The following CHODL variants were observed in gnomAD, a reference collection of about 807,000 sequenced individuals.
The protein encoded by CHODL is transmembrane protein MT75.
A neutral mutation model predicts 34.5 loss-of-function variants in CHODL; 29 were observed. The observed-to-expected ratio is 0.84, with a 90% CI of 0.63 to 1.15. CHODL has a LOEUF of 1.15. Among genes scored for constraint, CHODL ranks in the 50% most tolerant of loss-of-function variants. The pLI is 0.00. For synonymous variants in CHODL, 125 were observed against 116.1 expected (o/e 1.08, Z -0.49); for missense variants, 332 against 332.5 (o/e 1.00, Z 0.01).
chr21:18,070,026 C>CCCTTCCCTTCCCTTCCCT, intron 2 of CHODL, among the ~76,000 whole-genome samples: 1 of 13,550 alleles, frequency 7.4e-5, no homozygotes, highest in African/African-American at 1.6e-4. Flanking sequence ...TCCCTTCCCT[C>CCCTTCCCTTCCCTTCCCT]CCCCCCCCCA....
At chr21:17,918,222 C>T (rs2063156562) in intron 1 of CHODL, among the ~76,000 whole-genome samples, 2 of 151,892 alleles carry the variant, frequency 1.3e-5, no homozygotes, top group Admixed American at 1.3e-4. Context: ...TTATTTTTTA[C>T]TGTTTACTTG....
chr21:18,247,603 T>G (rs1224392943), intron 1 of CHODL, among the ~76,000 whole-genome samples: 1 of 152,128 alleles, frequency 6.6e-6, no homozygotes, highest in Admixed American at 6.6e-5. Context: ...CCCATGAGAT[T>G]TAGTGGCATC....
intron 2 of CHODL, among the ~76,000 whole-genome samples, chr21:18,107,653 G>A (rs190897813): frequency 4.6e-5 from 7 of 152,344 alleles, no homozygotes. Flanking sequence ...AGGGTTTGCT[G>A]TGTGGGAAAT....
chr21:18,233,841 A>T (rs1035951647), intron 2 of CHODL, among the ~76,000 whole-genome samples: 39 of 152,180 alleles, frequency 2.6e-4, no homozygotes, highest in Non-Finnish European at 5.0e-4. Flanking sequence ...ACAACAATAA[A>T]TATAATCAAG....
chr21:18,013,535 A>C (rs546148912), intron 1 of CHODL, among the ~76,000 whole-genome samples: 5 of 152,028 alleles, frequency 3.3e-5, no homozygotes, highest in African/African-American at 1.2e-4. Context: ...AATAAGTTTT[A>C]GAGGCTGAAG....
intron 2 of CHODL, among the ~76,000 whole-genome samples, chr21:18,197,498 C>T (rs1288615071): frequency 2.6e-5 from 4 of 152,116 alleles, no homozygotes; most frequent in Admixed American, 2.6e-4. Context: ...TGCCTGTAAT[C>T]CCAACTAATC....
chr21:18,019,976 C>G (rs1427654497), intron 1 of CHODL, among the ~76,000 whole-genome samples: 1 of 152,128 alleles, frequency 6.6e-6, no homozygotes, highest in Non-Finnish European at 1.5e-5. Flanking sequence ...TGGCTAAGCC[C>G]AAACTCCGTG....
intron 2 of CHODL, among the ~76,000 whole-genome samples, chr21:18,191,236 C>T (rs1488821630): frequency 2.6e-5 from 4 of 152,082 alleles, no homozygotes; most frequent in African/African-American, 7.2e-5. Context: ...TAAATGTCCT[C>T]CTGGTGCTGT....
At chr21:17,948,181 G>T (rs1286110035) in intron 1 of CHODL, among the ~76,000 whole-genome samples, 6 of 151,980 alleles carry the variant, frequency 3.9e-5, no homozygotes, top group Admixed American at 2.6e-4. Context: ...TGAGAACTGA[G>T]AAATTACCTA....
chr21:17,978,493 C>T (rs1443578295), intron 1 of CHODL, among the ~76,000 whole-genome samples: 2 of 150,512 alleles, frequency 1.3e-5, no homozygotes, highest in East Asian at 2.0e-4. Flanking sequence ...CCGAGGTGGG[C>T]GGATCATAAG....
chr21:18,242,043 T>A (rs548365260), upstream of CHODL, among the ~76,000 whole-genome samples: 19 of 152,094 alleles, frequency 1.2e-4, no homozygotes, highest in Non-Finnish European at 1.8e-4. Flanking sequence ...GGGGGACCTC[T>A]CTCCTGACTG....
rs1474786654 is a variant in CHODL at position 17,978,743 on chromosome 21, AAAAC to A, written c.-144-49119_-144-49116del. ...AAAAAGAAAAAAAAAGAAAAAAAAAAAAACAAACAAACAGAAAAAAGATGTCAAC... is the reference window on the plus strand; with the variant it reads ...AAAAAGAAAAAAAAAGAAAAAAAAAAAAACAAACAGAAAAAAGATGTCAAC... On this transcript the variant is annotated intron_variant, in intron 1 of 6. Coordinates refer to the CHODL transcript ENST00000400127. Among the ~76,000 whole-genome samples the A allele has an allele frequency of 3.4e-3, 515 of 149,948 alleles. 3 individuals are homozygous for A. Among genetic ancestry groups the A allele is most frequent in the Admixed American group, 6.0e-3 (91 of 15,142 alleles).
intron 2 of CHODL, among the ~76,000 whole-genome samples, chr21:18,110,590 T>TACAGCTGATAC (rs2065336392): frequency 9.3e-6 from 1 of 107,180 alleles, no homozygotes; most frequent in African/African-American, 2.8e-5. Flanking sequence ...ACAGCTGATG[T>TACAGCTGATAC]CTGCCAGGCA....
chr21:18,104,952 C>T (rs1419045563), intron 2 of CHODL, among the ~76,000 whole-genome samples: 1 of 152,210 alleles, frequency 6.6e-6, no homozygotes, highest in Non-Finnish European at 1.5e-5. Context: ...AATGCTATGA[C>T]ATGATTTGGA....
intron 1 of CHODL, among the ~76,000 whole-genome samples, chr21:17,950,728 T>C (rs1335463543): frequency 6.6e-6 from 1 of 152,162 alleles, no homozygotes; most frequent in Admixed American, 6.5e-5. Context: ...AATCAGCTTT[T>C]GACAAAGTAT....
At chr21:17,950,093 C>G (rs188256560) in intron 1 of CHODL, among the ~76,000 whole-genome samples, 1 of 152,206 alleles carries the variant, frequency 6.6e-6, no homozygotes, top group African/African-American at 2.4e-5. Flanking sequence ...TTCATTCTGT[C>G]TTTGCCACAA....
chr21:18,226,938 CTT>C (rs1270033578), intron 2 of CHODL, among the ~76,000 whole-genome samples: 1 of 152,100 alleles, frequency 6.6e-6, no homozygotes, highest in Non-Finnish European at 1.5e-5. Flanking sequence ...AAATAGCTGT[CTT>C]AGTCCATTCC....
At chr21:18,242,523 CTG>C (rs2074092152), upstream of CHODL, among the ~76,000 whole-genome samples, 1 of 115,170 alleles carries the variant, frequency 8.7e-6, no homozygotes, top group Non-Finnish European at 1.9e-5. Flanking sequence ...ACAACTCAAA[CTG>C]TGATCTCTGA....
intron 2 of CHODL, among the ~76,000 whole-genome samples, chr21:18,089,420 G>A (rs2065045390): frequency 6.6e-6 from 1 of 152,068 alleles, no homozygotes; most frequent in Non-Finnish European, 1.5e-5. Context: ...TTTTTATAGT[G>A]AGTAGAGAGA....
Sources: allele counts gnomAD v4.1 joint callset (sites outside exome capture counted in the v4.1 genomes callset), GRCh38; gene constraint gnomAD v4.1.1; transcripts MANE v1.5; gene names NCBI Gene and HGNC (gene_info 2026-07-23, HGNC 2026-07-21).